AHCYL1: variants seen among roughly 807,000 people sequenced by gnomAD.
AHCYL1 encodes adenosylhomocysteinase like 1.
A neutral mutation model predicts 79.3 loss-of-function variants in AHCYL1; 20 were observed. The observed-to-expected ratio is 0.25, with a 90% CI of 0.18 to 0.37. The LOEUF is 0.37. AHCYL1 is among the 10% of genes least tolerant of loss of function. AHCYL1 has a pLI of 1.00. For synonymous variants in AHCYL1, 223 were observed against 242.2 expected, an observed-to-expected ratio of 0.92 and a Z score of 0.74; for missense variants, 330 against 673.6, an observed-to-expected ratio of 0.49 and a Z score of 5.65.
chr1:109,992,772 T>G (rs1347623453), intron 1 of AHCYL1, among the ~76,000 whole-genome samples: 2 of 152,224 alleles, frequency 1.3e-5, no homozygotes, highest in Non-Finnish European at 2.9e-5. Flanking sequence ...AAGAGTTTAA[T>G]GAAAATCCTG....
At chr1:109,985,526 C>G (rs1174756370) in intron 1 of AHCYL1, 1 of 1,003,516 alleles carries the variant, frequency 1.0e-6, no homozygotes, top group Non-Finnish European at 1.2e-6. Context: ...ATGGGGTGTA[C>G]AGAAAATCTC....
chr1:109,993,107 C>T (rs1339426719), intron 1 of AHCYL1, among the ~76,000 whole-genome samples: 2 of 152,116 alleles, frequency 1.3e-5, no homozygotes, highest in South Asian at 2.1e-4. Flanking sequence ...ACATTCGAAC[C>T]GGCATTTCGG....
At chr1:110,003,707 G>A (rs1250267986) in intron 1 of AHCYL1, among the ~76,000 whole-genome samples, 4 of 152,092 alleles carry the variant, frequency 2.6e-5, no homozygotes, top group Non-Finnish European at 5.9e-5. Flanking sequence ...AAAGAAGTAT[G>A]GACAGGTCAG....
intron 1 of AHCYL1, among the ~76,000 whole-genome samples, chr1:110,003,348 T>TAG (rs926068654): frequency 6.6e-6 from 1 of 152,142 alleles, no homozygotes; most frequent in Non-Finnish European, 1.5e-5. Flanking sequence ...TGTATATATA[T>TAG]AGAGAGAGAA....
chr1:109,986,767 G>C (rs1649489954), intron 1 of AHCYL1, among the ~76,000 whole-genome samples: 1 of 152,172 alleles, frequency 6.6e-6, no homozygotes, highest in Non-Finnish European at 1.5e-5. Context: ...AACTCATTAA[G>C]GCAGGGATTC....
At chr1:110,016,307 G>A (rs372454577) in intron 7 of AHCYL1, 37 bp from the exon 8 acceptor site, 23 of 1,504,282 alleles carry the variant, frequency 1.5e-5, no homozygotes, top group Non-Finnish European at 2.0e-5. Context: ...CAGCTAACTT[G>A]GTTTTTGTTT....
rs540526022 is a variant in AHCYL1, at chr1:110,020,631, T to TTAAGAAA, written c.1466-100_1466-99insTAAGAAA. ...ATTCTTTCAGAGTTATTCCATCCCT[T>TTAAGAAA]GTCTGCTTTCTTAAAAAAGCTTCAA... On this transcript the variant is annotated intron_variant, in intron 15 of 16. Coordinates refer to ENST00000369799, the MANE Select transcript of AHCYL1 (RefSeq NM_006621.7). 1,105 of 1,429,998 alleles carry TTAAGAAA rather than the reference T, an allele frequency of 7.7e-4. 19 individuals are homozygous for TTAAGAAA. The South Asian group carries it at 0.015, about 19-fold the overall frequency. 88.6% of individuals were successfully genotyped at this position (1,429,998 alleles called of 1,614,324 possible).
At chr1:110,015,336 G>A in intron 6 of AHCYL1, 89 bp from the exon 7 acceptor site, 1 of 985,148 alleles carries the variant, frequency 1.0e-6, no homozygotes, top group South Asian at 1.4e-5. Flanking sequence ...AACATACAGG[G>A]CTCTCTTACT....
chr1:109,992,013 C>T (rs757943611), intron 1 of AHCYL1, among the ~76,000 whole-genome samples: 7 of 152,066 alleles, frequency 4.6e-5, no homozygotes, highest in Admixed American at 6.5e-5. Flanking sequence ...CTTGACCTCA[C>T]GTCAAGACCT....
In AHCYL1 at chr1:109,985,149, A is replaced by C. The variant is rs1391777170; in HGVS notation, c.97A>C (p.Thr33Pro). Residue 33 changes from threonine (T) to proline (P), a missense_variant, in exon 1 of 17, where the codon ACC becomes CCC. By Grantham distance (38) the Thr-to-Pro change is conservative. Coordinates refer to ENST00000369799, the MANE Select transcript of AHCYL1 (RefSeq NM_006621.7). The stretch of plus-strand genomic sequence containing the variant: ...CGCCGAGAAGTACTCCTTCATGGCC[A>C]CCGTCACCAAGGCGCCCAAGAAGGT... ...EDAEKYSFMATVTKAPKKQIQ... is the reference protein window; with the variant it reads ...EDAEKYSFMAPVTKAPKKQIQ... The C allele has an allele frequency of 1.2e-6, 2 of 1,610,166 alleles. No individual in the cohort carries two copies. The highest frequency in any genetic ancestry group is 1.7e-6 in the Non-Finnish European group (2 of 1,178,614).
chr1:110,018,975 T>C (rs1651614054), intron 13 of AHCYL1, 76 bp from the exon 14 acceptor site: 1 of 1,405,708 alleles, frequency 7.1e-7, no homozygotes. Flanking sequence ...TAAAGTCCTC[T>C]CCCGCTTTGG....
At chr1:109,995,837 A>C (rs1316592820) in intron 1 of AHCYL1, 1 of 264,234 alleles carries the variant, frequency 3.8e-6, no homozygotes, top group African/African-American at 2.3e-5. Context: ...AAACAGCTTC[A>C]CCAGATAAAC....
At chr1:109,988,579 AT>A (rs1649591453) in intron 1 of AHCYL1, among the ~76,000 whole-genome samples, 2 of 152,198 alleles carry the variant, frequency 1.3e-5, no homozygotes, top group South Asian at 4.2e-4. Flanking sequence ...GTAAACCCAA[AT>A]CTCCAACTTG....
At chr1:109,992,566 C>T (rs1467853540) in intron 1 of AHCYL1, among the ~76,000 whole-genome samples, 2 of 152,102 alleles carry the variant, frequency 1.3e-5, no homozygotes, top group African/African-American at 4.8e-5. Flanking sequence ...TAGAGATTCA[C>T]TTTGAATTTT....
rs1651937931 is a variant in AHCYL1 at position 110,023,634 on chromosome 1, A to G, written c.*1954A>G. The stretch of plus-strand genomic sequence containing the variant: ...CATCAGAGGGAGCATGTGGAGAGCA[A>G]CTTGGGAAGAACAAGTTCATTTTGT... On this transcript the variant is annotated 3_prime_UTR_variant, in exon 17 of 17. Transcript: ENST00000369799. 1 of 152,652 alleles carries G rather than the reference A, an allele frequency of 6.6e-6. No homozygotes were observed. Among genetic ancestry groups the G allele is most frequent in the African/African-American group, 2.4e-5 (1 of 41,456 alleles). 9.5% of individuals were successfully genotyped at this position (152,652 alleles called of 1,614,324 possible).
intron 2 of AHCYL1, among the ~76,000 whole-genome samples, chr1:110,009,490 A>G (rs532642320): frequency 1.3e-5 from 2 of 152,318 alleles, no homozygotes; most frequent in Non-Finnish European, 2.9e-5. Flanking sequence ...AAAGAAGTGC[A>G]TTTTGAAGCA....
chr1:110,015,675 A>G (rs961593494), intron 7 of AHCYL1, 144 bp downstream of exon 7: 3 of 648,896 alleles, frequency 4.6e-6, no homozygotes, highest in African/African-American at 1.8e-5. Context: ...TTACTTTTGA[A>G]AAATCAAGTT....
At position 110,018,641 on chromosome 1, in the gene AHCYL1, C is replaced by T. The variant is rs754793429; in HGVS notation, c.1308C>T (p.Leu436=). Residue 436 remains leucine, a synonymous_variant, in exon 13 of 17, where the codon CTC becomes CTT. Transcript: ENST00000369799. ...VIWPDGKRVV[L]LAEGRLLNLS... Reference sequence around the variant, plus strand: ...GGCCAGATGGCAAACGAGTTGTCCTCCTGGCAGAGGTACACACAGAGAAGG... The same window carrying T: ...GGCCAGATGGCAAACGAGTTGTCCTTCTGGCAGAGGTACACACAGAGAAGG... 2 of 1,612,832 alleles carry T rather than the reference C, an allele frequency of 1.2e-6. No individual in the cohort carries two copies. Among genetic ancestry groups the T allele is most frequent in the Admixed American group, 1.7e-5 (1 of 59,878 alleles).
At chr1:110,016,926 T>C (rs1651454803) in intron 9 of AHCYL1, among the ~76,000 whole-genome samples, 196 bp downstream of exon 9, 1 of 152,238 alleles carries the variant, frequency 6.6e-6, no homozygotes, top group African/African-American at 2.4e-5. Context: ...AGTTTTCAGA[T>C]TTTACCATTT....
Sources: gnomAD v4.1 joint callset for allele counts (sites outside exome capture counted in the v4.1 genomes callset) on GRCh38, gnomAD v4.1.1 for gene constraint, MANE v1.5 for transcripts, NCBI Gene and HGNC (gene_info 2026-07-23, HGNC 2026-07-21) for gene names.